Variants in ZNF333 observed in about 807,000 individuals in gnomAD.
The protein encoded by ZNF333 is zinc finger protein 333.
In ZNF333, 61 loss-of-function variants were observed where a neutral mutation model predicts 76.1. The ratio of observed to expected loss-of-function variants is 0.80; its 90% CI spans 0.65 to 0.99. The LOEUF is 0.99. Among genes scored for constraint, ZNF333 ranks in the 50% least tolerant of loss-of-function variants. ZNF333 has a pLI of 0.00. For synonymous variants in ZNF333, 284 were observed against 305.0 expected, an observed-to-expected ratio of 0.93 and a Z score of 0.72; for missense variants, 717 against 822.4, an observed-to-expected ratio of 0.87 and a Z score of 1.57.
Position 14,693,710 on chromosome 19 carries a change from C to A in ZNF333, c.3+216C>A, listed in dbSNP as rs77784558. ...CATGGAAGAAGAGTCCCACAGCAGA[C>A]CCTGGGGCTCTGAGCGGAGCTCCTC... On this transcript the variant is annotated intron_variant, in intron 2 of 11. Coordinates refer to ENST00000292530, the MANE Select transcript of ZNF333 (RefSeq NM_032433.4). Among the ~76,000 whole-genome samples, 385 of 152,314 alleles carry A rather than the reference C, an allele frequency of 2.5e-3. 3 individuals are homozygous for A. The highest frequency in any genetic ancestry group is 9.0e-3 in the African/African-American group (373 of 41,574).
intron 6 of ZNF333, chr19:14,706,078 A>G (rs756365734): frequency 2.2e-6 from 1 of 457,246 alleles, no homozygotes; most frequent in Non-Finnish European, 4.4e-6. Context: ...TCCAAAATGT[A>G]ACCCACCTCC....
At chr19:14,715,580 C>A in intron 8 of ZNF333, 110 bp downstream of exon 8, 1 of 1,041,914 alleles carries the variant, frequency 9.6e-7, no homozygotes, top group South Asian at 1.5e-5. Context: ...TCCATGCTTT[C>A]AGGGACTGGG....
chr19:14,695,207 A>G, intron 3 of ZNF333, 74 bp downstream of exon 3: 1 of 1,551,458 alleles, frequency 6.4e-7, no homozygotes, highest in Non-Finnish European at 8.7e-7. Flanking sequence ...CATGTGAAGA[A>G]GACAGACGTG....
Position 14,695,084 on chromosome 19 carries a change from C to A in ZNF333, c.78C>A (p.Ser26Arg). Reference sequence around the variant, plus strand: ...CATTGCTGGACAGCGCACGGAGGAGCCTGTGCAAATACAGGATGCTTGACC... The same window carrying A: ...CATTGCTGGACAGCGCACGGAGGAGACTGTGCAAATACAGGATGCTTGACC... ...EWALLDSARR[S>R]LCKYRMLDQC... The change falls in exon 3 of 12, where the codon AGC becomes AGA. Residue 26 changes from serine (S) to arginine (R), a missense_variant. By Grantham distance (110) the Ser-to-Arg change is moderately radical. Transcript: ENST00000292530. 1.9e-6 allele frequency: 3 copies of A among 1,614,096 alleles called. No homozygotes were observed. The highest frequency in any genetic ancestry group is 2.5e-6 in the Non-Finnish European group (3 of 1,179,978).
intron 3 of ZNF333, 128 bp downstream of exon 3, chr19:14,695,261 T>G: frequency 7.5e-7 from 1 of 1,336,152 alleles, no homozygotes; most frequent in Non-Finnish European, 1.0e-6. Flanking sequence ...TGACAAAGCT[T>G]CATCTGTTGC....
downstream of ZNF333, among the ~76,000 whole-genome samples, chr19:14,722,832 C>G (rs1033286254): frequency 2.0e-5 from 3 of 152,210 alleles, no homozygotes; most frequent in Non-Finnish European, 4.4e-5. Context: ...GTTGCCCAGG[C>G]TGGAGTGCAA....
At chr19:14,702,490 C>G (rs1410667912) in intron 5 of ZNF333, among the ~76,000 whole-genome samples, 2 of 152,184 alleles carry the variant, frequency 1.3e-5, no homozygotes, top group Non-Finnish European at 2.9e-5. Context: ...CCACTGCTCT[C>G]CAGCCTGGGT....
chr19:14,697,671 G>T (rs1973320733), intron 4 of ZNF333, among the ~76,000 whole-genome samples: 1 of 152,144 alleles, frequency 6.6e-6, no homozygotes, highest in African/African-American at 2.4e-5. Flanking sequence ...TTGTGTACAA[G>T]ATTTATGTAG....
At chr19:14,703,029 C>T (rs2146971795) in intron 5 of ZNF333, among the ~76,000 whole-genome samples, 1 of 151,666 alleles carries the variant, frequency 6.6e-6, no homozygotes, top group South Asian at 2.1e-4. Flanking sequence ...ATGGTGAAAC[C>T]CCGTCTCTAC....
At chr19:14,701,646 C>CT (rs1445062016) in intron 5 of ZNF333, 1 of 985,318 alleles carries the variant, frequency 1.0e-6, no homozygotes. Context: ...CCGGTGCCCT[C>CT]TTTGTTTCTG....
At chr19:14,690,822 G>A (rs922617826) in intron 1 of ZNF333, among the ~76,000 whole-genome samples, 10 of 152,018 alleles carry the variant, frequency 6.6e-5, no homozygotes, top group African/African-American at 2.2e-4. Flanking sequence ...GCCAGGCTTG[G>A]TGGCTCACTC....
intron 1 of ZNF333, among the ~76,000 whole-genome samples, chr19:14,691,064 G>A (rs1371320200): frequency 6.6e-6 from 1 of 152,226 alleles, no homozygotes; most frequent in Non-Finnish European, 1.5e-5. Context: ...CTGCACTCCA[G>A]CCTGGGTGAC....
At chr19:14,726,137 AGCTT>A, downstream of ZNF333, among the ~76,000 whole-genome samples, 1 of 152,190 alleles carries the variant, frequency 6.6e-6, no homozygotes, top group Non-Finnish European at 1.5e-5. Context: ...CAAAGCTTAC[AGCTT>A]GCAACCTGCA....
intron 2 of ZNF333, among the ~76,000 whole-genome samples, chr19:14,694,221 C>T (rs1017068881): frequency 6.6e-6 from 1 of 152,102 alleles, no homozygotes; most frequent in Non-Finnish European, 1.5e-5. Context: ...GCCTGTAATC[C>T]CAGCACTTTG....
chr19:14,725,106 G>A (rs2042625535), downstream of ZNF333, among the ~76,000 whole-genome samples: 1 of 152,154 alleles, frequency 6.6e-6, no homozygotes, highest in Non-Finnish European at 1.5e-5. Flanking sequence ...TCACAATCAT[G>A]GCAAAAAGTG....
At chr19:14,691,499 G>A (rs1005792643) in intron 1 of ZNF333, among the ~76,000 whole-genome samples, 1 of 152,142 alleles carries the variant, frequency 6.6e-6, no homozygotes, top group African/African-American at 2.4e-5. Context: ...TCATGCATCA[G>A]ATTTCAGTTT....
At chr19:14,697,718 C>G (rs1973323788) in intron 4 of ZNF333, among the ~76,000 whole-genome samples, 1 of 152,078 alleles carries the variant, frequency 6.6e-6, no homozygotes, top group Non-Finnish European at 1.5e-5. Flanking sequence ...TACTGAGGAG[C>G]AGAATTGCTG....
At chr19:14,717,877 G>A in intron 11 of ZNF333, 144 bp downstream of exon 11, 1 of 746,804 alleles carries the variant, frequency 1.3e-6, no homozygotes, top group Non-Finnish European at 2.2e-6. Context: ...TTGGGAGAGA[G>A]TCCGTGAATG....
chr19:14,700,859 CCA>C (rs1158697924), intron 5 of ZNF333, among the ~76,000 whole-genome samples: 1 of 152,184 alleles, frequency 6.6e-6, no homozygotes, highest in Non-Finnish European at 1.5e-5. Context: ...CAGGGATGCC[CCA>C]CACAGTGGAT....
Sources: allele counts gnomAD v4.1 joint callset (sites outside exome capture counted in the v4.1 genomes callset), GRCh38; gene constraint gnomAD v4.1.1; transcripts MANE v1.5; gene names NCBI Gene and HGNC (gene_info 2026-07-23, HGNC 2026-07-21).